The following CACNA1C variants were observed in gnomAD, a reference collection of about 807,000 sequenced individuals.
CACNA1C encodes calcium voltage-gated channel subunit alpha1 C, also known as voltage-dependent L-type calcium channel subunit alpha-1C.
CACNA1C carries 30 observed loss-of-function variants against 229.0 expected under a neutral mutation model. That is an observed-to-expected ratio of 0.13 (90% CI 0.10 to 0.18). The LOEUF (loss-of-function observed/expected upper bound fraction) is 0.18. CACNA1C is among the 10% of genes least tolerant of loss of function. The pLI is 1.00. For missense variants in CACNA1C, 1,658 were observed against 2,845.0 expected, an observed-to-expected ratio of 0.58 and a Z score of 9.49; for synonymous variants, 1,114 against 1,132.5, an observed-to-expected ratio of 0.98 and a Z score of 0.33.
Position 2,054,119 on chromosome 12 carries a change from A to T in CACNA1C, c.49+508A>T, listed in dbSNP as rs1406830384. 6.6e-6 allele frequency among the ~76,000 whole-genome samples: 1 copy of T among 150,376 alleles called. No individual in the cohort carries two copies. The highest frequency in any genetic ancestry group is 1.5e-5 in the Non-Finnish European group (1 of 67,488). On this transcript the variant is annotated intron_variant, in intron 1 of 46. Coordinates refer to ENST00000399655, the MANE Select transcript of CACNA1C (RefSeq NM_000719.7). This position sits in a 1 kb window ranked among gnomAD's most constrained non-coding sequence, Gnocchi z 5.5. ...GGCGCCCTCGCGCTGCCCGGCGTCC[A>T]CTCTCGTCCAGGCGCCCCTGCCCTG...
chr12:2,404,069 C>T (rs1398297149), intron 3 of CACNA1C, among the ~76,000 whole-genome samples: 1 of 152,216 alleles, frequency 6.6e-6, no homozygotes, highest in East Asian at 1.9e-4. Context: ...GCGCTTCATC[C>T]ATTTCCCTGT....
rs1300221008 is a variant in CACNA1C, at chr12:2,608,380, G to A, written c.3357-131G>A. 1.8e-5 allele frequency: 11 copies of A among 626,006 alleles called. No homozygotes were observed. The highest frequency in any genetic ancestry group is 7.3e-5 in the African/African-American group (4 of 54,508). 38.8% of individuals were successfully genotyped at this position (626,006 alleles called of 1,614,324 possible). A position where few individuals can be genotyped will look rare whatever the true frequency, so the allele number is the denominator to read the frequency against. ...AAGGTCACACAGCCAGTAAGAGGCC[G>A]AGCTGGGACTCCAGCCCAGAGCTGT... On this transcript the variant is annotated intron_variant, in intron 26 of 46. Coordinates refer to ENST00000399655, the MANE Select transcript of CACNA1C (RefSeq NM_000719.7). The surrounding 1 kb of genome is among the most constrained non-coding windows in gnomAD (Gnocchi z 4.2).
chr12:2,365,998 A>C (rs983895161), intron 3 of CACNA1C, among the ~76,000 whole-genome samples: 1 of 152,216 alleles, frequency 6.6e-6, no homozygotes, highest in Non-Finnish European at 1.5e-5. Flanking sequence ...TAAAGCATAC[A>C]TGTCCTCCTC....
intron 1 of CACNA1C, among the ~76,000 whole-genome samples, chr12:1,999,842 A>G (rs2041780537): frequency 6.6e-6 from 1 of 152,252 alleles, no homozygotes; most frequent in African/African-American, 2.4e-5. Context: ...TGAAGTTTGT[A>G]TAAATCACCA....
chr12:2,088,392 C>G (rs1006087152), intron 1 of CACNA1C, among the ~76,000 whole-genome samples: 2 of 152,138 alleles, frequency 1.3e-5, no homozygotes, highest in African/African-American at 2.4e-5. Context: ...GCCGTGAACA[C>G]GGTGGTTAGA....
chr12:2,603,363 G>A (rs1052902789), intron 22 of CACNA1C: 6 of 152,204 alleles, frequency 3.9e-5, no homozygotes, highest in South Asian at 2.1e-4. Flanking sequence ...CAGAGAAATC[G>A]GATCTTTCCA....
At chr12:2,279,175 A>G (rs886847006) in intron 3 of CACNA1C, among the ~76,000 whole-genome samples, 1 of 152,064 alleles carries the variant, frequency 6.6e-6, no homozygotes, top group Admixed American at 6.5e-5. Flanking sequence ...CAAATATTTT[A>G]TCTCAGTCTG....
chr12:2,079,331 A>G (rs569140599), intron 1 of CACNA1C, among the ~76,000 whole-genome samples: 10 of 152,334 alleles, frequency 6.6e-5, no homozygotes, highest in African/African-American at 1.2e-4. Context: ...TTTGGCTGCC[A>G]TAACAATTTA....
In CACNA1C at chr12:2,359,650, G is replaced by C. The variant is rs182064291; in HGVS notation, c.478-89326G>C. 7.2e-5 allele frequency among the ~76,000 whole-genome samples: 11 copies of C among 152,076 alleles called. No individual in the cohort carries two copies. The East Asian group carries it at 1.2e-3, about 16-fold the overall frequency. On this transcript the variant is annotated intron_variant, in intron 3 of 46. Coordinates refer to ENST00000399655, the MANE Select transcript of CACNA1C (RefSeq NM_000719.7). Reference sequence around the variant, plus strand: ...CTTGGAGAGCATTTAGAGAAAAGCGGGGAAATGATTGATGGGTTGGAAAAT... The same window carrying C: ...CTTGGAGAGCATTTAGAGAAAAGCGCGGAAATGATTGATGGGTTGGAAAAT...
chr12:2,672,716 T>C (rs1440446903), intron 38 of CACNA1C, among the ~76,000 whole-genome samples: 1 of 152,238 alleles, frequency 6.6e-6, no homozygotes, highest in Non-Finnish European at 1.5e-5. Flanking sequence ...TGACCTCACC[T>C]TAACTAATTA....
intron 3 of CACNA1C, among the ~76,000 whole-genome samples, chr12:2,154,108 G>A (rs1173540861): frequency 6.6e-6 from 1 of 152,150 alleles, no homozygotes; most frequent in African/African-American, 2.4e-5. Flanking sequence ...TCAACAACAG[G>A]TCCACCCAGA....
chr12:2,510,049 C>T (rs368252387), intron 8 of CACNA1C, among the ~76,000 whole-genome samples: 1 of 152,214 alleles, frequency 6.6e-6, no homozygotes, highest in Non-Finnish European at 1.5e-5. Context: ...TGCTTCACAT[C>T]GCTGAGCCCT....
At position 2,435,346 on chromosome 12, in the gene CACNA1C, G is replaced by T. The variant is rs143899852; in HGVS notation, c.478-13630G>T. On this transcript the variant is annotated intron_variant, in intron 3 of 46. Coordinates refer to ENST00000399655, the MANE Select transcript of CACNA1C (RefSeq NM_000719.7). ...GCACACACAATCTGTGTTGTAATTT[G>T]TCCATGGCATGTGTCCTTCCTGCCC... 5.7e-3 allele frequency among the ~76,000 whole-genome samples: 873 copies of T among 152,334 alleles called. 11 individuals carry two copies. The highest frequency in any genetic ancestry group is 0.02 in the African/African-American group (833 of 41,578).
At chr12:2,503,386 T>C (rs2099764899) in intron 7 of CACNA1C, among the ~76,000 whole-genome samples, 1 of 152,240 alleles carries the variant, frequency 6.6e-6, no homozygotes, top group Non-Finnish European at 1.5e-5. Flanking sequence ...AAGCCAGAAC[T>C]TAACCCTGTT....
intron 1 of CACNA1C, among the ~76,000 whole-genome samples, chr12:2,098,360 A>C (rs1462848120): frequency 6.6e-6 from 1 of 152,170 alleles, no homozygotes; most frequent in African/African-American, 2.4e-5. Flanking sequence ...ACGGCCTGTG[A>C]GTGTGTAGAA....
chr12:2,503,408 C>A (rs1198491933), intron 7 of CACNA1C, among the ~76,000 whole-genome samples: 4 of 152,232 alleles, frequency 2.6e-5, no homozygotes, highest in Non-Finnish European at 5.9e-5. Flanking sequence ...AGTCAGAAGG[C>A]ATCAGAAGAG....
chr12:2,590,495 C>T (rs2064763926), intron 18 of CACNA1C, among the ~76,000 whole-genome samples: 2 of 152,212 alleles, frequency 1.3e-5, no homozygotes. Flanking sequence ...GTCAGCATCC[C>T]TCCTCATCCA....
chr12:2,357,797 C>T (rs1012982475), intron 3 of CACNA1C, among the ~76,000 whole-genome samples: 5 of 151,748 alleles, frequency 3.3e-5, no homozygotes, highest in Admixed American at 6.6e-5. Context: ...ATGCGGAAAC[C>T]CCGTCTCTAC....
intron 3 of CACNA1C, among the ~76,000 whole-genome samples, chr12:2,189,204 G>A (rs1224692459): frequency 6.6e-6 from 1 of 151,970 alleles, no homozygotes; most frequent in Admixed American, 6.5e-5. Context: ...CTGGGATGGT[G>A]CCTGGGTTAG....
Sources: gnomAD v4.1 joint callset for allele counts (sites outside exome capture counted in the v4.1 genomes callset) on GRCh38, gnomAD v4.1.1 for gene constraint, Gnocchi (gnomAD v3.1) non-coding constraint, MANE v1.5 for transcripts, NCBI Gene and HGNC (gene_info 2026-07-23, HGNC 2026-07-21) for gene names.